The following ARHGEF4 variants were observed in gnomAD, a reference collection of about 807,000 sequenced individuals.
The protein encoded by ARHGEF4 is APC-stimulated guanine nucleotide exchange factor 1.
Under a neutral mutation model 162.0 loss-of-function variants are expected in ARHGEF4, and 119 were observed. The ratio of observed to expected loss-of-function variants is 0.73; its 90% confidence interval spans 0.63 to 0.86. The LOEUF (loss-of-function observed/expected upper bound fraction) is 0.86. ARHGEF4 is among the 40% of genes least tolerant of loss of function. ARHGEF4 has a pLI of 0.00. For missense variants in ARHGEF4, 2,488 were observed against 2,456.0 expected, an observed-to-expected ratio of 1.01 and a Z score of -0.28; for synonymous variants, 1,014 against 979.9, an observed-to-expected ratio of 1.03 and a Z score of -0.65.
At chr2:130,948,509 TG>T (rs1260099041) in intron 4 of ARHGEF4, among the ~76,000 whole-genome samples, 1 of 152,250 alleles carries the variant, frequency 6.6e-6, no homozygotes, top group Admixed American at 6.5e-5. Flanking sequence ...AAGCTGATTT[TG>T]GCCTTTCAAG....
chr2:130,900,671 T>C (rs1161061597), intron 1 of ARHGEF4, among the ~76,000 whole-genome samples: 1 of 152,202 alleles, frequency 6.6e-6, no homozygotes, highest in East Asian at 1.9e-4. Context: ...TTCTGTCTGG[T>C]TCTTCTCAGT....
Position 130,860,688 on chromosome 2 carries a change from C to T in ARHGEF4, c.39+23696C>T, listed in dbSNP as rs1403072723. ...TCGCGTCACTGCACTCCAGCCTGGGCGACAGAGCGAGACTCCATCTCAAAA... is the reference window on the plus strand; with the variant it reads ...TCGCGTCACTGCACTCCAGCCTGGGTGACAGAGCGAGACTCCATCTCAAAA... On this transcript the variant is annotated intron_variant, in intron 1 of 13. Transcript: ENST00000409359. Among the ~76,000 whole-genome samples the T allele has an allele frequency of 4.3e-5, 5 of 116,286 alleles. 1 individual carries two copies. The highest frequency in any genetic ancestry group is 6.5e-5 in the Non-Finnish European group (4 of 61,594). 76.3% of individuals were successfully genotyped at this position (116,286 alleles called of 152,430 possible). A position where few individuals can be genotyped will look rare whatever the true frequency, so the allele number is the denominator to read the frequency against.
rs564043186 is a variant in ARHGEF4 at position 130,914,866 on chromosome 2, A to G, written c.920A>G (p.Asn307Ser). ...AGGACATCTTGCCTCCTACGCACCA[A>G]CCGTCACCATAGTGCCCCAGAAACT... ...PLRTSCLLRT[N>S]RHHSAPETTG... Residue 307 changes from asparagine to serine, a missense_variant, in exon 2 of 14, where the codon AAC becomes AGC. By Grantham distance (46) the Asn-to-Ser change is conservative (BLOSUM62 1). Transcript: ENST00000409359. The G allele has an allele frequency of 1.3e-6, 2 of 1,483,916 alleles. No homozygotes were observed. The highest frequency in any genetic ancestry group is 1.8e-6 in the Non-Finnish European group (2 of 1,114,890). The allele number at this position is 1,483,916 out of a possible 1,614,324, so 91.9% of individuals were successfully genotyped here. A position where few individuals can be genotyped will look rare whatever the true frequency, so the allele number is the denominator to read the frequency against.
intron 1 of ARHGEF4, among the ~76,000 whole-genome samples, chr2:130,903,265 C>CTT (rs202030783): frequency 7.8e-6 from 1 of 128,512 alleles, no homozygotes; most frequent in African/African-American, 2.9e-5. Flanking sequence ...TTTCTTTTTT[C>CTT]TTTTTTTTTT....
chr2:131,042,871 G>A (rs1434109337), intron 10 of ARHGEF4, among the ~76,000 whole-genome samples: 1 of 152,206 alleles, frequency 6.6e-6, no homozygotes, highest in Non-Finnish European at 1.5e-5. Flanking sequence ...TGGACCTTCA[G>A]GTACTCAGTG....
chr2:130,922,618 A>G (rs1192538303), intron 2 of ARHGEF4, among the ~76,000 whole-genome samples: 1 of 152,188 alleles, frequency 6.6e-6, no homozygotes, highest in Non-Finnish European at 1.5e-5. Flanking sequence ...GTGGCATTTT[A>G]TGACTCCTCA....
In ARHGEF4 at chr2:130,916,928, CAA is replaced by C; in HGVS notation, c.2984_2985del (p.Lys995ArgfsTer6). ...GCCACTGTGAGGAACGGGCGGAGGA[CAA>C]AGAGGGCTATGTTTTTAGCGATCAC... The part of the protein sequence containing the change: ...DSHCEERAED[K>X]EGYVFSDHWA... On this transcript the variant is annotated frameshift_variant, in exon 2 of 14. Transcript: ENST00000409359. LOFTEE classifies it high-confidence loss of function. The C allele has an allele frequency of 6.4e-7, 1 of 1,550,644 alleles. No homozygotes were observed. The highest frequency in any genetic ancestry group is 8.7e-7 in the Non-Finnish European group (1 of 1,147,022).
chr2:130,955,594 A>G (rs1330284345), intron 4 of ARHGEF4, among the ~76,000 whole-genome samples: 1 of 152,040 alleles, frequency 6.6e-6, no homozygotes, highest in African/African-American at 2.4e-5. Context: ...TCTCTTCTAT[A>G]TTTCTCTGAC....
At chr2:130,892,859 C>G (rs927773624) in intron 1 of ARHGEF4, among the ~76,000 whole-genome samples, 77 of 152,240 alleles carry the variant, frequency 5.1e-4, no homozygotes, top group Admixed American at 1.0e-3. Flanking sequence ...ACCCCTCCAG[C>G]AGCCACTCTC....
chr2:130,909,831 C>T (rs1023005194), intron 1 of ARHGEF4, among the ~76,000 whole-genome samples: 7 of 152,190 alleles, frequency 4.6e-5, no homozygotes, highest in African/African-American at 7.2e-5. Flanking sequence ...ACACATTTCC[C>T]GAAAAGCTCC....
chr2:130,865,306 C>T (rs1332196640), intron 1 of ARHGEF4, among the ~76,000 whole-genome samples: 2 of 152,342 alleles, frequency 1.3e-5, no homozygotes, highest in East Asian at 1.9e-4. Context: ...ACAGCCTCCT[C>T]GAGTGCCTTC....
chr2:131,012,615 C>T (rs1336913799), intron 4 of ARHGEF4, among the ~76,000 whole-genome samples: 1 of 152,124 alleles, frequency 6.6e-6, no homozygotes, highest in Non-Finnish European at 1.5e-5. Context: ...GAGCCTTGCT[C>T]TTCTGCCCAG....
At position 130,916,074 on chromosome 2, in the gene ARHGEF4, G is replaced by A. The variant is rs1462348776; in HGVS notation, c.2128G>A (p.Ala710Thr). The A allele has an allele frequency of 1.9e-6, 3 of 1,550,280 alleles. 1 individual carries two copies. Among genetic ancestry groups the A allele is most frequent in the South Asian group, 2.4e-5 (2 of 84,048 alleles). Residue 710 changes from alanine (A) to threonine (T), a missense_variant, in exon 2 of 14, where the codon GCC (alanine) becomes ACC (threonine). Ala to Thr is a moderately conservative substitution (Grantham distance 58). This residue lies in a region of ARHGEF4 where 1,642 missense variants were observed against 1,481.5 expected (regional missense o/e 1.11). Coordinates refer to ENST00000409359, the MANE Select transcript of ARHGEF4 (RefSeq NM_001367493.1). ...GDGALQRVAQ[A>T]AELGRVLVPQ... ...TGGGGCTCTTCAGCGGGTGGCCCAG[G>A]CCGCAGAGCTTGGGAGAGTGCTGGT...
chr2:130,891,948 G>A (rs954041682), intron 1 of ARHGEF4, among the ~76,000 whole-genome samples: 4 of 152,202 alleles, frequency 2.6e-5, no homozygotes, highest in South Asian at 2.1e-4. Context: ...AGAAACAGGT[G>A]GCAACTGGAT....
At chr2:130,865,676 T>C (rs1682221901) in intron 1 of ARHGEF4, among the ~76,000 whole-genome samples, 1 of 152,150 alleles carries the variant, frequency 6.6e-6, no homozygotes, top group Non-Finnish European at 1.5e-5. Flanking sequence ...TTCCTTTCCA[T>C]GTGATGGTGA....
At chr2:130,837,094 G>C in intron 1 of ARHGEF4, 102 bp downstream of exon 1, 1 of 1,124,272 alleles carries the variant, frequency 8.9e-7, no homozygotes, top group Non-Finnish European at 1.1e-6. Flanking sequence ...GCCGTCCCCT[G>C]GGCACCCGGT....
intron 4 of ARHGEF4, among the ~76,000 whole-genome samples, chr2:130,993,362 G>C (rs1254179726): frequency 1.3e-5 from 2 of 152,096 alleles, no homozygotes; most frequent in Non-Finnish European, 2.9e-5. Context: ...AATTTTGTAT[G>C]ATTTCAACCC....
chr2:130,916,822 A>G lies in ARHGEF4; in HGVS notation c.2876A>G (p.Lys959Arg), dbSNP rs936071738. The G allele has an allele frequency of 6.5e-7, 1 of 1,550,238 alleles. No individual in the cohort carries two copies. Among genetic ancestry groups the G allele is most frequent in the African/African-American group, 1.4e-5 (1 of 73,000 alleles). The change falls in exon 2 of 14, where the codon AAA (lysine) becomes AGA (arginine). Residue 959 changes from lysine to arginine, a missense_variant. By Grantham distance (26) the Lys-to-Arg change is conservative. Coordinates refer to ENST00000409359, the MANE Select transcript of ARHGEF4 (RefSeq NM_001367493.1). ...QGSWRAFLKS[K>R]DAGSPKKPTL... is the part of the protein sequence containing the mutation. Reference sequence around the variant, plus strand: ...TCCTGGCGGGCGTTTCTGAAAAGCAAAGATGCCGGAAGCCCCAAAAAGCCC... The same window carrying G: ...TCCTGGCGGGCGTTTCTGAAAAGCAGAGATGCCGGAAGCCCCAAAAAGCCC...
At chr2:130,932,035 TCACC>T (rs1264622841) in intron 3 of ARHGEF4, among the ~76,000 whole-genome samples, 5 of 152,162 alleles carry the variant, frequency 3.3e-5, no homozygotes, top group Non-Finnish European at 7.4e-5. Context: ...GGCATTTTCA[TCACC>T]CCTAAAGGAA....
Sources: allele counts gnomAD v4.1 joint callset (sites outside exome capture counted in the v4.1 genomes callset), GRCh38; gene constraint gnomAD v4.1.1; regional missense constraint gnomAD v4.1.1; transcripts MANE v1.5; gene names NCBI Gene and HGNC (gene_info 2026-07-23, HGNC 2026-07-21).